Variants in PDE1C observed in about 807,000 individuals in gnomAD.
The protein encoded by PDE1C is dual specificity calcium/calmodulin-dependent 3',5'-cyclic nucleotide phosphodiesterase 1C.
PDE1C carries 62 observed loss-of-function variants against 93.1 expected under a neutral mutation model. The observed-to-expected ratio is 0.67, with a 90% confidence interval of 0.54 to 0.82. PDE1C has a LOEUF of 0.82. PDE1C is among the 40% of genes least tolerant of loss of function. PDE1C has a pLI of 0.00. For synonymous variants in PDE1C, 325 were observed against 310.1 expected, an observed-to-expected ratio of 1.05 and a Z score of -0.50; for missense variants, 742 against 884.6, an observed-to-expected ratio of 0.84 and a Z score of 2.04.
chr7:32,273,551 G>C (rs1811100978), intron 1 of PDE1C, among the ~76,000 whole-genome samples: 1 of 152,172 alleles, frequency 6.6e-6, no homozygotes, highest in Non-Finnish European at 1.5e-5. Context: ...TTCCTTCATG[G>C]TTCCTTGCAT....
intron 17 of PDE1C, among the ~76,000 whole-genome samples, chr7:31,773,766 A>T (rs1428084053): frequency 3.9e-5 from 6 of 152,120 alleles, no homozygotes; most frequent in African/African-American, 9.7e-5. Flanking sequence ...ATTAATGCAT[A>T]CCCAGTAAGT....
At chr7:31,920,117 C>A (rs1051794884) in intron 2 of PDE1C, among the ~76,000 whole-genome samples, 2 of 152,162 alleles carry the variant, frequency 1.3e-5, no homozygotes, top group African/African-American at 4.8e-5. Flanking sequence ...GGCATCCATT[C>A]AGACAAGGGC....
intron 3 of PDE1C, among the ~76,000 whole-genome samples, chr7:32,147,718 T>C (rs1193690620): frequency 6.6e-6 from 1 of 151,950 alleles, no homozygotes; most frequent in East Asian, 1.9e-4. Flanking sequence ...CTCCAAGCAT[T>C]GAGACAACCA....
chr7:31,783,835 T>C (rs1025422112), intron 16 of PDE1C: 6 of 152,338 alleles, frequency 3.9e-5, no homozygotes, highest in African/African-American at 1.4e-4. Flanking sequence ...TACCCTGTGA[T>C]GTACAAATGC....
chr7:31,975,616 A>T (rs1319088824), intron 2 of PDE1C, among the ~76,000 whole-genome samples: 1 of 152,170 alleles, frequency 6.6e-6, no homozygotes, highest in Non-Finnish European at 1.5e-5. Flanking sequence ...AGTTTTAGTC[A>T]GAGAAACCGA....
chr7:32,255,840 G>C (rs545364758), intron 1 of PDE1C, among the ~76,000 whole-genome samples: 101 of 152,296 alleles, frequency 6.6e-4, no homozygotes, highest in African/African-American at 2.3e-3. Context: ...GCAGAGGCTG[G>C]TGCAGATACT....
At chr7:32,181,112 T>C (rs140844161) in intron 2 of PDE1C, among the ~76,000 whole-genome samples, 4 of 152,282 alleles carry the variant, frequency 2.6e-5, no homozygotes, top group African/African-American at 7.2e-5. Flanking sequence ...TAAAAACTTA[T>C]ATGCACCCAA....
chr7:32,228,382 T>A (rs367715618), intron 1 of PDE1C, among the ~76,000 whole-genome samples: 9 of 152,348 alleles, frequency 5.9e-5, no homozygotes, highest in Admixed American at 3.3e-4. Context: ...GGGACCTGCA[T>A]AGTCCTTGAA....
the PDE1C span, among the ~76,000 whole-genome samples, chr7:31,728,499 G>C: frequency 6.6e-6 from 1 of 152,094 alleles, no homozygotes; most frequent in East Asian, 1.9e-4. Flanking sequence ...ATGCTGTTTT[G>C]GAAGCTATTT....
the PDE1C span, among the ~76,000 whole-genome samples, chr7:31,644,472 G>A: frequency 6.6e-6 from 1 of 152,208 alleles, no homozygotes; most frequent in Admixed American, 6.5e-5. Flanking sequence ...TGTTAATTGT[G>A]TGGGTGTGTT....
the PDE1C span, among the ~76,000 whole-genome samples, chr7:31,733,330 G>T: frequency 6.6e-6 from 1 of 152,208 alleles, no homozygotes; most frequent in Non-Finnish European, 1.5e-5. Context: ...CAGTCAACTT[G>T]TAGAGGGGAT....
intron 10 of PDE1C, 53 bp downstream of exon 10, chr7:31,837,817 G>A (rs1021620999): frequency 2.7e-6 from 3 of 1,112,624 alleles, no homozygotes; most frequent in Non-Finnish European, 4.1e-6. Context: ...ACATAGACGA[G>A]GACCCATTCA....
At chr7:31,938,927 CA>C (rs2128995110) in intron 2 of PDE1C, among the ~76,000 whole-genome samples, 1 of 152,294 alleles carries the variant, frequency 6.6e-6, no homozygotes, top group South Asian at 2.1e-4. Flanking sequence ...GACACAGCAT[CA>C]TTGTCAAGAG....
At chr7:32,276,760 G>T (rs773186707) in intron 1 of PDE1C, among the ~76,000 whole-genome samples, 3 of 152,018 alleles carry the variant, frequency 2.0e-5, no homozygotes, top group Non-Finnish European at 4.4e-5. Context: ...CATAGCACCC[G>T]GTCCACAAGA....
At chr7:32,262,574 T>C (rs148622644) in intron 1 of PDE1C, among the ~76,000 whole-genome samples, 52 of 152,250 alleles carry the variant, frequency 3.4e-4, no homozygotes, top group African/African-American at 1.2e-3. Context: ...CTATGGCAGA[T>C]ACGCAGCAAA....
chr7:32,165,384 C>G (rs1329974445), intron 3 of PDE1C, among the ~76,000 whole-genome samples: 2 of 152,172 alleles, frequency 1.3e-5, no homozygotes, highest in Non-Finnish European at 2.9e-5. Flanking sequence ...CAGGCCAGAA[C>G]AGGTGAGTAA....
chr7:31,679,144 G>C, the PDE1C span, among the ~76,000 whole-genome samples: 1 of 152,134 alleles, frequency 6.6e-6, no homozygotes, highest in South Asian at 2.1e-4. Flanking sequence ...ATGCACTCCT[G>C]GGCTGCTCCT....
chr7:32,400,441 T>A (rs1301478004), intron 1 of PDE1C, among the ~76,000 whole-genome samples: 1 of 151,628 alleles, frequency 6.6e-6, no homozygotes, highest in African/African-American at 2.4e-5. Flanking sequence ...AAAATGGGAG[T>A]CTGTGGTCAG....
intron 1 of PDE1C, among the ~76,000 whole-genome samples, chr7:32,268,133 C>T (rs189965429): frequency 2.0e-4 from 31 of 152,318 alleles, no homozygotes; most frequent in Non-Finnish European, 1.8e-4. Context: ...CTAGGCCCAG[C>T]TCCAAGATAC....
Sources: gnomAD v4.1 joint callset for allele counts (sites outside exome capture counted in the v4.1 genomes callset) on GRCh38, gnomAD v4.1.1 for gene constraint, MANE v1.5 for transcripts, NCBI Gene and HGNC (gene_info 2026-07-23, HGNC 2026-07-21) for gene names.